Variants in PRKAG2 observed in about 807,000 individuals in gnomAD.
PRKAG2 encodes 5'-AMP-activated protein kinase subunit gamma-2.
In PRKAG2, 26 loss-of-function variants were observed where a neutral mutation model predicts 69.6. That is an observed-to-expected ratio of 0.37 (90% CI 0.27 to 0.52). The LOEUF (loss-of-function observed/expected upper bound fraction) is 0.52, where lower values mean the gene tolerates loss of function less well. PRKAG2 is among the 20% of genes least tolerant of loss of function. The probability of loss-of-function intolerance (pLI) is 0.90; values close to 1 mark genes in which losing one functional copy is unlikely to be tolerated. For synonymous variants in PRKAG2, 293 were observed against 285.0 expected, an observed-to-expected ratio of 1.03 and a Z score of -0.28; for missense variants, 557 against 740.0, an observed-to-expected ratio of 0.75 and a Z score of 2.87.
At chr7:151,813,690 A>C (rs2151856542) in intron 1 of PRKAG2, among the ~76,000 whole-genome samples, 1 of 152,228 alleles carries the variant, frequency 6.6e-6, no homozygotes, top group African/African-American at 2.4e-5. Flanking sequence ...CAGCGGTGAC[A>C]GCCCACGGTT....
chr7:151,685,789 A>G (rs1412165378), intron 3 of PRKAG2, among the ~76,000 whole-genome samples: 1 of 151,880 alleles, frequency 6.6e-6, no homozygotes, highest in Non-Finnish European at 1.5e-5. Flanking sequence ...AAAAAATTCT[A>G]ATATGGTGAA....
intron 3 of PRKAG2, among the ~76,000 whole-genome samples, chr7:151,695,772 G>A (rs1228205522): frequency 6.6e-6 from 1 of 152,102 alleles, no homozygotes; most frequent in African/African-American, 2.4e-5. Flanking sequence ...TCTTCTTTGT[G>A]GTCTGAGCAG....
At chr7:151,870,134 T>TAGAC (rs2080180340) in intron 1 of PRKAG2, among the ~76,000 whole-genome samples, 1 of 127,694 alleles carries the variant, frequency 7.8e-6, no homozygotes, top group Admixed American at 8.4e-5. Context: ...GATAGATAGA[T>TAGAC]AGATAGATAG....
At chr7:151,859,625 G>A (rs577853021) in intron 1 of PRKAG2, among the ~76,000 whole-genome samples, 6 of 152,294 alleles carry the variant, frequency 3.9e-5, no homozygotes, top group South Asian at 2.1e-4. Flanking sequence ...GCCCAAGCCC[G>A]GCTGGGTCTG....
In PRKAG2 at chr7:151,836,320, C is replaced by T. The variant is rs532374258; in HGVS notation, c.114+40187G>A. ...AGACTGTGGTCTGACTGCAGGCTGA[C>T]ACACCTGGGTCCACAGGCTGGATTC... On this transcript the variant is annotated intron_variant, in intron 1 of 15. Transcript: ENST00000287878. The surrounding 1 kb of genome is among the most constrained non-coding windows in gnomAD (Gnocchi z 4.1). Among the ~76,000 whole-genome samples, 1 of 152,318 alleles carries T rather than the reference C, an allele frequency of 6.6e-6. No individual in the cohort carries two copies. The highest frequency in any genetic ancestry group is 2.1e-4 in the South Asian group (1 of 4,814).
chr7:151,562,272 A>AAAAAAAAAAAAAAAC (rs1805217142), intron 14 of PRKAG2, among the ~76,000 whole-genome samples: 1 of 148,244 alleles, frequency 6.7e-6, no homozygotes, highest in Non-Finnish European at 1.5e-5. Context: ...AAAAAAAAAA[A>AAAAAAAAAAAAAAAC]AGGCTTCAGA....
intron 1 of PRKAG2, among the ~76,000 whole-genome samples, chr7:151,862,160 G>A (rs771525370): frequency 2.6e-5 from 4 of 151,302 alleles, no homozygotes; most frequent in Non-Finnish European, 4.4e-5. Context: ...GGACCATCCC[G>A]CCATGGCAGA....
chr7:151,652,594 A>G (rs1828715631), intron 4 of PRKAG2, among the ~76,000 whole-genome samples: 1 of 152,172 alleles, frequency 6.6e-6, no homozygotes, highest in South Asian at 2.1e-4. Flanking sequence ...AAGCAGGCAC[A>G]CAATATGGTA....
chr7:151,722,552 G>A (rs1456988779), intron 3 of PRKAG2, among the ~76,000 whole-genome samples: 6 of 152,070 alleles, frequency 3.9e-5, no homozygotes, highest in Admixed American at 6.5e-5. Flanking sequence ...AGAAGGGCTC[G>A]GCTTTGATAA....
At chr7:151,669,947 TACA>T (rs1431677954) in intron 4 of PRKAG2, among the ~76,000 whole-genome samples, 1 of 102,912 alleles carries the variant, frequency 9.7e-6, no homozygotes, top group East Asian at 3.1e-4. Flanking sequence ...CACTTGCATG[TACA>T]ACTTGTCACA....
intron 3 of PRKAG2, among the ~76,000 whole-genome samples, chr7:151,778,617 T>C (rs2076515299): frequency 1.3e-5 from 2 of 152,268 alleles, no homozygotes; most frequent in Non-Finnish European, 2.9e-5. Flanking sequence ...GCACGGGGCC[T>C]TGGCTGTCCC....
chr7:151,697,085 T>C lies in PRKAG2; in HGVS notation c.467-21448A>G, dbSNP rs1347836308. ...GCGCCTGGCATGGGGAAGGGGTGTGTAGCCTGGGAGGGGCCTTGGGCGGGA... is the reference window on the plus strand; with the variant it reads ...GCGCCTGGCATGGGGAAGGGGTGTGCAGCCTGGGAGGGGCCTTGGGCGGGA... On this transcript the variant is annotated intron_variant, in intron 3 of 15. Coordinates refer to ENST00000287878, the MANE Select transcript of PRKAG2 (RefSeq NM_016203.4). Among the ~76,000 whole-genome samples the C allele has an allele frequency of 5.5e-4, 83 of 151,674 alleles. 1 individual carries two copies. Among genetic ancestry groups the C allele is most frequent in the Non-Finnish European group, 1.0e-4 (7 of 67,848 alleles).
chr7:151,859,068 G>A (rs2079853259), intron 1 of PRKAG2, among the ~76,000 whole-genome samples: 1 of 152,244 alleles, frequency 6.6e-6, no homozygotes, highest in South Asian at 2.1e-4. Flanking sequence ...GTCTCCTGAG[G>A]AGAAGCCAGA....
At chr7:151,775,340 T>C (rs2076288971) in intron 3 of PRKAG2, among the ~76,000 whole-genome samples, 1 of 152,040 alleles carries the variant, frequency 6.6e-6, no homozygotes, top group African/African-American at 2.4e-5. Context: ...TTTAGGACAG[T>C]AAATGGAGAG....
chr7:151,591,831 T>G (rs749393738), intron 6 of PRKAG2, among the ~76,000 whole-genome samples: 74 of 152,082 alleles, frequency 4.9e-4, no homozygotes, highest in Non-Finnish European at 8.4e-4. Flanking sequence ...GAGGGAAGAT[T>G]AACCCCAAAA....
At chr7:151,808,970 C>T (rs1432176633) in intron 1 of PRKAG2, among the ~76,000 whole-genome samples, 4 of 152,164 alleles carry the variant, frequency 2.6e-5, no homozygotes, top group African/African-American at 7.2e-5. Context: ...CCCGCGCTCC[C>T]CCTCCTCCCC....
At chr7:151,599,409 C>T (rs1216581125) in intron 5 of PRKAG2, among the ~76,000 whole-genome samples, 1 of 152,194 alleles carries the variant, frequency 6.6e-6, no homozygotes, top group Non-Finnish European at 1.5e-5. Flanking sequence ...CCCCCTGCAT[C>T]TTCCACAGCT....
At position 151,557,014 on chromosome 7, in the gene PRKAG2, C is replaced by A; in HGVS notation, c.*187G>T. 1 of 939,022 alleles carries A rather than the reference C, an allele frequency of 1.1e-6. No homozygotes were observed. The highest frequency in any genetic ancestry group is 1.6e-6 in the Non-Finnish European group (1 of 626,284). 58.2% of individuals were successfully genotyped at this position (939,022 alleles called of 1,614,324 possible). A position where few individuals can be genotyped will look rare whatever the true frequency, so the allele number is the denominator to read the frequency against. On this transcript the variant is annotated 3_prime_UTR_variant, in exon 16 of 16. Transcript: ENST00000287878. ...AAGGTCTGAAAACAGTCTTTTAATG[C>A]AAGCCTGAATCTTCAAGCACATAAA...
intron 1 of PRKAG2, among the ~76,000 whole-genome samples, chr7:151,795,860 T>TACACACAC (rs1317830359): frequency 1.9e-5 from 2 of 104,514 alleles, no homozygotes; most frequent in African/African-American, 8.3e-5. Context: ...TATATATATA[T>TACACACAC]ATATATATAT....
Sources: gnomAD v4.1 joint callset for allele counts (sites outside exome capture counted in the v4.1 genomes callset) on GRCh38, gnomAD v4.1.1 for gene constraint, Gnocchi (gnomAD v3.1) non-coding constraint, MANE v1.5 for transcripts, NCBI Gene and HGNC (gene_info 2026-07-23, HGNC 2026-07-21) for gene names.